The following CDIN1 variants were observed in gnomAD, a reference collection of about 807,000 sequenced individuals.
CDIN1 encodes the protein CDAN1 interacting nuclease 1.
CDIN1 carries 33 observed loss-of-function variants against 45.3 expected under a neutral mutation model. The ratio of observed to expected loss-of-function variants is 0.73; its 90% CI spans 0.55 to 0.97. CDIN1 has a LOEUF of 0.97. CDIN1 is among the 50% of genes least tolerant of loss of function. The probability of loss-of-function intolerance (pLI) is 0.00; values close to 1 mark genes in which losing one functional copy is unlikely to be tolerated. For missense variants in CDIN1, 303 were observed against 339.4 expected (o/e 0.89, Z 0.84); for synonymous variants, 118 against 124.4 (o/e 0.95, Z 0.34).
intron 8 of CDIN1, among the ~76,000 whole-genome samples, chr15:36,698,723 A>G (rs931624697): frequency 2.0e-5 from 3 of 152,152 alleles, no homozygotes; most frequent in South Asian, 4.1e-4. Flanking sequence ...ACTAAGCAGC[A>G]TCATTGTCAG....
At chr15:36,769,224 C>T (rs1187434014) in intron 10 of CDIN1, among the ~76,000 whole-genome samples, 1 of 152,092 alleles carries the variant, frequency 6.6e-6, no homozygotes, top group Non-Finnish European at 1.5e-5. Flanking sequence ...CATATGTGTA[C>T]ATATATTGAG....
At chr15:36,608,974 T>TAG (rs1417528028) in intron 1 of CDIN1, among the ~76,000 whole-genome samples, 41 of 134,506 alleles carry the variant, frequency 3.0e-4, no homozygotes, top group African/African-American at 9.0e-4. Flanking sequence ...TGTATGTGTG[T>TAG]ATATAGATAG....
At chr15:36,731,503 G>A (rs1048997954) in intron 10 of CDIN1, among the ~76,000 whole-genome samples, 4 of 152,104 alleles carry the variant, frequency 2.6e-5, no homozygotes, top group Admixed American at 2.6e-4. Flanking sequence ...GAAAGATTAA[G>A]CCAGTCTTAT....
chr15:36,632,287 C>G (rs1297480615), intron 1 of CDIN1, among the ~76,000 whole-genome samples: 1 of 152,178 alleles, frequency 6.6e-6, no homozygotes, highest in East Asian at 1.9e-4. Flanking sequence ...TCCCTAGTCT[C>G]CCACCCCTCT....
chr15:36,618,478 TC>T (rs1413906976), intron 1 of CDIN1: 1 of 1,193,546 alleles, frequency 8.4e-7, no homozygotes, highest in African/African-American at 1.5e-5. Context: ...ACCTCATCCT[TC>T]AACAGCTGAA....
At chr15:36,739,945 G>A (rs1481987649) in intron 10 of CDIN1, among the ~76,000 whole-genome samples, 2 of 152,076 alleles carry the variant, frequency 1.3e-5, no homozygotes, top group African/African-American at 2.4e-5. Context: ...TATCTAAAAT[G>A]TCATATTTAC....
At chr15:36,643,640 T>C (rs919233678) in intron 1 of CDIN1, among the ~76,000 whole-genome samples, 1 of 152,230 alleles carries the variant, frequency 6.6e-6, no homozygotes, top group African/African-American at 2.4e-5. Context: ...GGTTGCTTCA[T>C]TGCCAGGTGT....
chr15:36,771,927 CA>C (rs373077953), intron 10 of CDIN1, among the ~76,000 whole-genome samples: 46 of 126,512 alleles, frequency 3.6e-4, no homozygotes, highest in Admixed American at 5.6e-4. Flanking sequence ...GACTCAGTCT[CA>C]AAAAAAAAAA....
intron 4 of CDIN1, among the ~76,000 whole-genome samples, chr15:36,656,587 A>G (rs12708546): frequency 0.82 from 123,959 of 151,978 alleles, 50,605 homozygotes; most frequent in East Asian, 0.98. Context: ...GCCCTATTTC[A>G]GAGAAAGATG....
chr15:36,700,598 T>C (rs1307545278), intron 8 of CDIN1, among the ~76,000 whole-genome samples: 1 of 151,316 alleles, frequency 6.6e-6, no homozygotes, highest in Non-Finnish European at 1.5e-5. Flanking sequence ...AGTATATATC[T>C]AGGATGGCCA....
rs1016510989 is a variant in CDIN1 at position 36,702,171 on chromosome 15, A to G, written c.544+4781A>G. ...TGGCTGGGTATTTCATAAGGAATCC[A>G]CCATTTAAATTCTTGTCTATCCGAA... On this transcript the variant is annotated intron_variant, in intron 8 of 10. Transcript: ENST00000566621. 47 of 701,008 alleles carry G rather than the reference A, an allele frequency of 6.7e-5. No homozygotes were observed. The African/African-American group carries it at 6.8e-4, about 10-fold the overall frequency. The allele number at this position is 701,008 out of a possible 1,614,324, so 43.4% of individuals were successfully genotyped here.
At chr15:36,645,494 TTGTGTGTGTGTGTGTGTGTG>T in intron 3 of CDIN1, among the ~76,000 whole-genome samples, 1 of 143,470 alleles carries the variant, frequency 7.0e-6, no homozygotes, top group East Asian at 2.1e-4. Flanking sequence ...CTGTCTTGAC[TTGTGTGTGTGTGTGTGTGTG>T]TGTGTGTGTG....
rs75111315 is a variant in CDIN1, at chr15:36,617,665, A to G, written c.102-26613A>G. On this transcript the variant is annotated intron_variant, in intron 1 of 10. Transcript: ENST00000566621. ...AATTGATGAGAAGGGTAAAAAAGTG[A>G]GCCAAGTCATAAGCGTTGTATTGTG... 8.5e-4 allele frequency: 652 copies of G among 767,456 alleles called. 2 individuals are homozygous for G. In the African/African-American group the frequency reaches 0.01, roughly 12 times the overall value. 47.5% of individuals were successfully genotyped at this position (767,456 alleles called of 1,614,324 possible).
intron 1 of CDIN1, among the ~76,000 whole-genome samples, chr15:36,607,981 G>A (rs1178203756): frequency 1.3e-5 from 2 of 152,104 alleles, no homozygotes; most frequent in South Asian, 2.1e-4. Flanking sequence ...TAGCTTTAAC[G>A]TAGCGTAATG....
intron 10 of CDIN1, among the ~76,000 whole-genome samples, chr15:36,737,228 G>T (rs983954004): frequency 1.3e-5 from 2 of 151,582 alleles, no homozygotes; most frequent in East Asian, 1.9e-4. Flanking sequence ...GCTCCTGCAG[G>T]TTCCAATACC....
chr15:36,621,069 T>C (rs16963708), intron 1 of CDIN1, among the ~76,000 whole-genome samples: 42,220 of 152,094 alleles, frequency 0.28, 6,355 homozygotes, highest in African/African-American at 0.4. Flanking sequence ...ATGTTGTGTT[T>C]ATCTGTTTTA....
chr15:36,667,993 G>C (rs917154869), intron 5 of CDIN1: 1 of 152,200 alleles, frequency 6.6e-6, no homozygotes, highest in East Asian at 1.9e-4. Context: ...GCTAACCTTT[G>C]TATTTTAAAG....
intron 4 of CDIN1, among the ~76,000 whole-genome samples, chr15:36,656,390 T>C (rs753551888): frequency 6.6e-6 from 1 of 152,154 alleles, no homozygotes; most frequent in Non-Finnish European, 1.5e-5. Context: ...GTGGTCATCA[T>C]TGATTTTATA....
intron 1 of CDIN1, among the ~76,000 whole-genome samples, chr15:36,582,661 A>C (rs1348471453): frequency 3.3e-5 from 5 of 152,166 alleles, no homozygotes; most frequent in Non-Finnish European, 5.9e-5. Context: ...GGTCTCAGGG[A>C]CTCCAAGTCC....
Sources: gnomAD v4.1 joint callset for allele counts (sites outside exome capture counted in the v4.1 genomes callset) on GRCh38, gnomAD v4.1.1 for gene constraint, MANE v1.5 for transcripts, NCBI Gene and HGNC (gene_info 2026-07-23, HGNC 2026-07-21) for gene names.